Variants in TMPRSS3 observed in about 807,000 individuals in gnomAD.
TMPRSS3 encodes the protein transmembrane protease serine 3.
In TMPRSS3, 55 loss-of-function variants were observed where a neutral mutation model predicts 59.6. The ratio of observed to expected loss-of-function variants is 0.92; its 90% CI spans 0.74 to 1.16. The LOEUF (loss-of-function observed/expected upper bound fraction) is 1.16, where lower values mean the gene tolerates loss of function less well. Ranked by LOEUF, TMPRSS3 falls within the 50% of genes most tolerant of loss-of-function variation. The pLI, the probability that TMPRSS3 is intolerant of heterozygous loss-of-function variation, is 0.00. For synonymous variants in TMPRSS3, 257 were observed against 237.7 expected (o/e 1.08, Z -0.75); for missense variants, 596 against 579.4 (o/e 1.03, Z -0.29).
At chr21:42,386,660 C>T (rs576130200) in intron 5 of TMPRSS3, among the ~76,000 whole-genome samples, 4 of 152,250 alleles carry the variant, frequency 2.6e-5, no homozygotes, top group Non-Finnish European at 4.4e-5. Context: ...CCTCCAAGTA[C>T]GTGCTATTAT....
intron 2 of TMPRSS3, among the ~76,000 whole-genome samples, chr21:42,392,430 T>G (rs1410045590): frequency 6.6e-6 from 1 of 151,860 alleles, no homozygotes; most frequent in Non-Finnish European, 1.5e-5. Flanking sequence ...GAACGCAGAG[T>G]GAGGGAGGAT....
At chr21:42,392,764 A>G (rs1260279698) in intron 2 of TMPRSS3, among the ~76,000 whole-genome samples, 3 of 152,232 alleles carry the variant, frequency 2.0e-5, no homozygotes, top group African/African-American at 7.2e-5. Context: ...CAGGAACCCC[A>G]GGAATGACAT....
chr21:42,376,513 G>A lies in TMPRSS3; in HGVS notation c.1191+28C>T, dbSNP rs760420559. On this transcript the variant is annotated intron_variant, in intron 11 of 12. Coordinates refer to ENST00000644384, the MANE Select transcript of TMPRSS3 (RefSeq NM_001256317.3). Reference sequence around the variant, plus strand: ...CCCAAGGGCTGGGTCACCCTGCCACGGCCTCGCCCACCGCTGCGGCCCCGT... The same window carrying A: ...CCCAAGGGCTGGGTCACCCTGCCACAGCCTCGCCCACCGCTGCGGCCCCGT... The A allele has an allele frequency of 1.4e-5, 23 of 1,611,656 alleles. 1 individual carries two copies. The highest frequency in any genetic ancestry group is 6.7e-5 in the East Asian group (3 of 44,888).
Position 42,382,251 on chromosome 21 carries a change from A to C in TMPRSS3, c.783-17T>G, listed in dbSNP as rs1269927147. 6.8e-6 allele frequency: 11 copies of C among 1,612,386 alleles called. No homozygotes were observed. The highest frequency in any genetic ancestry group is 8.5e-6 in the Non-Finnish European group (10 of 1,178,738). ...AGGTACAAGCTGAAATGAGAAGAGC[A>C]AGAGGTGAAGCACAGGAAAAGTCCA... On this transcript the variant is annotated splice_polypyrimidine_tract_variant and intron_variant, in intron 8 of 12. Transcript: ENST00000644384.
intron 10 of TMPRSS3, 111 bp from the exon 11 acceptor site, chr21:42,376,794 CTCTGGTGTGTCGCA>C: frequency 6.5e-7 from 1 of 1,531,810 alleles, no homozygotes; most frequent in African/African-American, 1.4e-5. Context: ...GGGGGATGCT[CTCTGGTGTGTCGCA>C]ACAGCGGAAA....
Position 42,388,551 on chromosome 21 carries a change from C to T in TMPRSS3, c.323-25G>A, listed in dbSNP as rs778481034. ...ACTGGCCGATGTGCAGAAAGAAAGG[C>T]TTATTAGTGGCCAGTGGAACCCTGA... On this transcript the variant is annotated intron_variant, in intron 4 of 12. Transcript: ENST00000644384. The surrounding 1 kb of genome is among the most constrained non-coding windows in gnomAD (Gnocchi z 5.1). 2.5e-6 allele frequency: 4 copies of T among 1,614,144 alleles called. No homozygotes were observed. The highest frequency in any genetic ancestry group is 1.1e-5 in the South Asian group (1 of 91,078).
At chr21:42,379,512 C>T (rs561395105) in intron 10 of TMPRSS3, among the ~76,000 whole-genome samples, 1 of 152,206 alleles carries the variant, frequency 6.6e-6, no homozygotes, top group East Asian at 1.9e-4. Flanking sequence ...GTCACGGCAG[C>T]CACGGAAAAT....
chr21:42,375,057 G>A (rs1011699481), intron 12 of TMPRSS3, among the ~76,000 whole-genome samples: 3 of 152,112 alleles, frequency 2.0e-5, no homozygotes, highest in Non-Finnish European at 2.9e-5. Context: ...AAGGCGCCGT[G>A]TTCACCTGCC....
intron 2 of TMPRSS3, among the ~76,000 whole-genome samples, chr21:42,391,118 G>T (rs1477323947): frequency 2.0e-5 from 3 of 152,232 alleles, no homozygotes; most frequent in Admixed American, 2.0e-4. Context: ...GCAGAGGAGG[G>T]GGTGAAACCC....
intron 11 of TMPRSS3, among the ~76,000 whole-genome samples, 198 bp from the exon 12 acceptor site, chr21:42,376,066 C>T (rs752438014): frequency 6.6e-6 from 1 of 152,324 alleles, no homozygotes; most frequent in African/African-American, 2.4e-5. Flanking sequence ...GGATGTCCCT[C>T]GGCCCCTTTG....
chr21:42,375,287 A>C (rs1358923388), intron 12 of TMPRSS3, among the ~76,000 whole-genome samples: 1 of 121,618 alleles, frequency 8.2e-6, no homozygotes, highest in Non-Finnish European at 1.6e-5. Flanking sequence ...GCTGCCTCTC[A>C]TCCCTGGCTC....
rs1568893521 is a variant in TMPRSS3 at position 42,394,570 on chromosome 21, C to T, written c.94+754G>A. 2.0e-5 allele frequency among the ~76,000 whole-genome samples: 3 copies of T among 152,212 alleles called. No homozygotes were observed. The South Asian group carries it at 6.2e-4, about 32-fold the overall frequency. ...TTTCAGTTACTTGAAACCTCTTCTCCCACCTCCCATCCTTTCCAAACCTCC... is the reference window on the plus strand; with the variant it reads ...TTTCAGTTACTTGAAACCTCTTCTCTCACCTCCCATCCTTTCCAAACCTCC... On this transcript the variant is annotated intron_variant, in intron 2 of 12. Transcript: ENST00000644384.
chr21:42,384,418 T>G (rs1291368658), intron 6 of TMPRSS3, among the ~76,000 whole-genome samples: 1 of 152,146 alleles, frequency 6.6e-6, no homozygotes, highest in Non-Finnish European at 1.5e-5. Flanking sequence ...TAGGACTCCT[T>G]GTAGCCTGGG....
intron 12 of TMPRSS3, among the ~76,000 whole-genome samples, chr21:42,374,353 A>G (rs1601512880): frequency 6.6e-6 from 1 of 152,342 alleles, no homozygotes; most frequent in Admixed American, 6.5e-5. Flanking sequence ...AGGTGAAGCT[A>G]GCCCAGGTCT....
chr21:42,385,333 G>A (rs2146441966), intron 6 of TMPRSS3, 76 bp downstream of exon 6: 1 of 1,595,016 alleles, frequency 6.3e-7, no homozygotes, highest in Middle Eastern at 1.9e-4. Flanking sequence ...AAGTCCTTGT[G>A]GAGTTGTGCA....
Position 42,383,503 on chromosome 21 carries a change from G to A in TMPRSS3, c.617-305C>T, listed in dbSNP as rs75484173. 1,863 of 540,082 alleles carry A rather than the reference G, an allele frequency of 3.4e-3. 43 individuals are homozygous for A. In the East Asian group the frequency reaches 0.043, roughly 12 times the overall value. The allele number at this position is 540,082 out of a possible 1,614,324, so 33.5% of individuals were successfully genotyped here. On this transcript the variant is annotated intron_variant, in intron 7 of 12. Transcript: ENST00000644384. ...ATTCCCCCAGTGATGACAACACCCT[G>A]GGATGTCAGGAGCAGGCAGGAACCT... is the stretch of plus-strand genomic sequence containing the variant.
At chr21:42,389,231 T>A in intron 3 of TMPRSS3, 186 bp from the exon 4 acceptor site, 1 of 1,209,494 alleles carries the variant, frequency 8.3e-7, no homozygotes, top group Non-Finnish European at 1.2e-6. Flanking sequence ...GGGGTGGGGC[T>A]GCTGTGCCCC....
rs1479311846 is a variant in TMPRSS3, at chr21:42,388,185, G to A, written c.446+218C>T. ...CCTGGCCCTGGGAACCCCCAAACAT[G>A]CCACTTCCCATGTGCCTTGAGCAAG... is the stretch of plus-strand genomic sequence containing the variant. On this transcript the variant is annotated intron_variant, in intron 5 of 12. Coordinates refer to ENST00000644384, the MANE Select transcript of TMPRSS3 (RefSeq NM_001256317.3). This position sits in a 1 kb window ranked among gnomAD's most constrained non-coding sequence, Gnocchi z 5.1. 1.3e-5 allele frequency among the ~76,000 whole-genome samples: 2 copies of A among 152,232 alleles called. No homozygotes were observed. Among genetic ancestry groups the A allele is most frequent in the Admixed American group, 6.5e-5 (1 of 15,288 alleles).
chr21:42,386,246 T>C (rs2052631700), intron 5 of TMPRSS3, among the ~76,000 whole-genome samples: 1 of 152,204 alleles, frequency 6.6e-6, no homozygotes, highest in Non-Finnish European at 1.5e-5. Flanking sequence ...TACAGTAGGC[T>C]TGTTTTCATA....
Sources: allele counts gnomAD v4.1 joint callset (sites outside exome capture counted in the v4.1 genomes callset), GRCh38; gene constraint gnomAD v4.1.1; non-coding constraint Gnocchi (gnomAD v3.1); transcripts MANE v1.5; gene names NCBI Gene and HGNC (gene_info 2026-07-23, HGNC 2026-07-21).